The following SULF2 variants were observed in gnomAD, a reference collection of about 807,000 sequenced individuals.
The protein encoded by SULF2 is extracellular sulfatase Sulf-2.
Under a neutral mutation model 107.7 loss-of-function variants are expected in SULF2, and 52 were observed. That is an observed-to-expected ratio of 0.48 (90% confidence interval 0.39 to 0.61). The LOEUF is 0.61. SULF2 is among the 20% of genes least tolerant of loss of function. The pLI, the probability that SULF2 is intolerant of heterozygous loss-of-function variation, is 0.00. For missense variants in SULF2, 993 were observed against 1,177.3 expected (o/e 0.84, Z 2.29); for synonymous variants, 460 against 464.3 (o/e 0.99, Z 0.12).
At position 47,680,854 on chromosome 20, in the gene SULF2, C is replaced by T. The variant is rs1308995400; in HGVS notation, c.1065-2050G>A. Among the ~76,000 whole-genome samples, 1 of 152,218 alleles carries T rather than the reference C, an allele frequency of 6.6e-6. No homozygotes were observed. The highest frequency in any genetic ancestry group is 2.4e-5 in the African/African-American group (1 of 41,456). ...GACAGTGGTTGCTTTTCCTGGCCAG[C>T]ACCAATGCCTTGCTCTGTGTCACAG... On this transcript the variant is annotated intron_variant, in intron 7 of 20. Transcript: ENST00000688720. The surrounding 1 kb of genome is among the most constrained non-coding windows in gnomAD (Gnocchi z 4.2).
At chr20:47,692,407 T>C (rs2088227621) in intron 4 of SULF2, among the ~76,000 whole-genome samples, 3 of 152,170 alleles carry the variant, frequency 2.0e-5, no homozygotes, top group Admixed American at 6.5e-5. Context: ...TGCATGTATA[T>C]ATATTATACA....
At chr20:47,663,252 A>C (rs377540596) in intron 16 of SULF2, 40 bp from the exon 17 acceptor site, 60 of 1,611,294 alleles carry the variant, frequency 3.7e-5, no homozygotes, top group Middle Eastern at 1.8e-4. Context: ...TGCCTGCGGG[A>C]GGAGGCCCCA....
At chr20:47,665,062 C>T (rs182875204) in intron 14 of SULF2, 137 bp downstream of exon 14, 79 of 710,344 alleles carry the variant, frequency 1.1e-4, no homozygotes, top group African/African-American at 1.0e-3. Context: ...AGGTAAATTA[C>T]GGATTTTTTT....
At chr20:47,714,480 C>T (rs982454419) in intron 3 of SULF2, among the ~76,000 whole-genome samples, 8 of 152,170 alleles carry the variant, frequency 5.3e-5, no homozygotes, top group Admixed American at 3.3e-4. Flanking sequence ...TTCCCATCAT[C>T]CGCCTGTCAC....
At position 47,741,389 on chromosome 20, in the gene SULF2, G is replaced by A. The variant is rs562656760; in HGVS notation, c.176-4447C>T. Among the ~76,000 whole-genome samples the A allele has an allele frequency of 3.9e-5, 6 of 152,022 alleles. No homozygotes were observed. The South Asian group carries it at 6.3e-4, about 16-fold the overall frequency. Reference sequence around the variant, plus strand: ...GACCTCTCCCCCGGAGCCCCGCAGCGGTGCCCTCACCCCCTTCTTGTCTTT... The same window carrying A: ...GACCTCTCCCCCGGAGCCCCGCAGCAGTGCCCTCACCCCCTTCTTGTCTTT... On this transcript the variant is annotated intron_variant, in intron 2 of 20. Transcript: ENST00000688720.
chr20:47,769,698 C>G (rs1446390865), intron 1 of SULF2, among the ~76,000 whole-genome samples: 1 of 152,162 alleles, frequency 6.6e-6, no homozygotes, highest in Non-Finnish European at 1.5e-5. Context: ...AAAAACAATC[C>G]TTCATGGATC....
chr20:47,770,584 C>T (rs370961606), intron 1 of SULF2, among the ~76,000 whole-genome samples: 22 of 152,236 alleles, frequency 1.4e-4, no homozygotes, highest in East Asian at 5.8e-4. Context: ...AACAATTTAC[C>T]GCAAAACTTA....
chr20:47,702,205 G>A (rs1228516669), intron 4 of SULF2, among the ~76,000 whole-genome samples: 1 of 152,112 alleles, frequency 6.6e-6, no homozygotes, highest in African/African-American at 2.4e-5. Flanking sequence ...CCACAGGCAT[G>A]TGCCACCACA....
intron 3 of SULF2, among the ~76,000 whole-genome samples, chr20:47,731,098 A>AC (rs1335474812): frequency 2.0e-5 from 3 of 150,692 alleles, no homozygotes; most frequent in Non-Finnish European, 4.4e-5. Flanking sequence ...AGTGCCAGCC[A>AC]CCATGTCCAG....
chr20:47,736,809 G>A lies in SULF2; in HGVS notation c.309C>T (p.Asn103=), dbSNP rs1287704668. ...TCTCATTGTTGGTGTAGGTGTTGTGGTTGTGGACGTACTTGCCAGTGAGGA... is the reference window on the plus strand; with the variant it reads ...TCTCATTGTTGGTGTAGGTGTTGTGATTGTGGACGTACTTGCCAGTGAGGA... ...SSILTGKYVH[N]HNTYTNNENC... Residue 103 remains asparagine (N), a synonymous_variant, in exon 3 of 21, where the codon AAC becomes AAT. Coordinates refer to ENST00000688720, the MANE Select transcript of SULF2 (RefSeq NM_001387048.1). 3 of 1,614,092 alleles carry A rather than the reference G, an allele frequency of 1.9e-6. No individual in the cohort carries two copies. Among genetic ancestry groups the A allele is most frequent in the East Asian group, 4.5e-5 (2 of 44,894 alleles).
In SULF2 at chr20:47,769,029, C is replaced by T. The variant is rs538478216; in HGVS notation, c.-100-11566G>A. 4.6e-4 allele frequency among the ~76,000 whole-genome samples: 61 copies of T among 132,526 alleles called. No homozygotes were observed. The South Asian group carries it at 0.015, about 33-fold the overall frequency. The allele number at this position is 132,526 out of a possible 152,430, so 86.9% of individuals were successfully genotyped here. On this transcript the variant is annotated intron_variant, in intron 1 of 20. Transcript: ENST00000688720. Reference sequence around the variant, plus strand: ...CTGAGTAGCTGGGATTACAGGCACCCGCCACCATGCCTGCCTCATTTTTTT... The same window carrying T: ...CTGAGTAGCTGGGATTACAGGCACCTGCCACCATGCCTGCCTCATTTTTTT...
chr20:47,659,663 A>G (rs1347734035), intron 19 of SULF2, 34 bp downstream of exon 19: 4 of 1,590,664 alleles, frequency 2.5e-6, no homozygotes, highest in Non-Finnish European at 3.4e-6. Flanking sequence ...AGATAGGAGA[A>G]CTTTGTTTAG....
intron 3 of SULF2, among the ~76,000 whole-genome samples, chr20:47,716,395 C>T (rs1485698475): frequency 6.6e-6 from 1 of 152,140 alleles, no homozygotes. Context: ...ATCCCAGCTA[C>T]TTGGGAGGCT....
At chr20:47,754,484 C>T (rs747892259) in intron 2 of SULF2, among the ~76,000 whole-genome samples, 129 of 152,252 alleles carry the variant, frequency 8.5e-4, no homozygotes, top group Non-Finnish European at 1.3e-3. Flanking sequence ...CCTTCCCATC[C>T]CTTGCCTCCT....
At chr20:47,689,971 A>T in intron 5 of SULF2, 155 bp downstream of exon 5, 2 of 735,816 alleles carry the variant, frequency 2.7e-6, no homozygotes, top group Non-Finnish European at 3.7e-6. Flanking sequence ...TCCCAGTTTC[A>T]CCATGGACAA....
intron 1 of SULF2, among the ~76,000 whole-genome samples, chr20:47,780,533 A>G (rs1170671241): frequency 1.3e-5 from 2 of 151,872 alleles, no homozygotes. Context: ...CTCCCACCCC[A>G]TCACATCATG....
chr20:47,731,182 C>CTTTTTTTTTTTTTTTGTTTTTT (rs1342480404), intron 3 of SULF2, among the ~76,000 whole-genome samples: 1 of 99,596 alleles, frequency 1.0e-5, no homozygotes, highest in Non-Finnish European at 1.8e-5. Context: ...TCACCTGTAT[C>CTTTTTTTTTTTTTTTGTTTTTT]TTCTCTTTTT....
chr20:47,702,777 G>A, intron 3 of SULF2, 107 bp from the exon 4 acceptor site: 1 of 1,026,378 alleles, frequency 9.7e-7, no homozygotes, highest in Non-Finnish European at 1.4e-6. Flanking sequence ...CTGCCATGGA[G>A]CCCTCTGGCA....
chr20:47,694,674 G>C lies in SULF2; in HGVS notation c.568-4379C>G, dbSNP rs527873006. Among the ~76,000 whole-genome samples the C allele has an allele frequency of 6.6e-6, 1 of 152,148 alleles. No homozygotes were observed. The highest frequency in any genetic ancestry group is 2.4e-5 in the African/African-American group (1 of 41,438). The stretch of plus-strand genomic sequence containing the variant: ...CCTGCAGGCATCCACAAGCTTCACC[G>C]ACTGAGTAGCTAGTGTCTGCGGAGA... On this transcript the variant is annotated intron_variant, in intron 4 of 20. Coordinates refer to ENST00000688720, the MANE Select transcript of SULF2 (RefSeq NM_001387048.1). This position sits in a 1 kb window ranked among gnomAD's most constrained non-coding sequence, Gnocchi z 4.4.
Sources: gnomAD v4.1 joint callset for allele counts (sites outside exome capture counted in the v4.1 genomes callset) on GRCh38, gnomAD v4.1.1 for gene constraint, Gnocchi (gnomAD v3.1) non-coding constraint, MANE v1.5 for transcripts, NCBI Gene and HGNC (gene_info 2026-07-23, HGNC 2026-07-21) for gene names.